EIF4ENIF1: variants seen among roughly 807,000 people sequenced by gnomAD.
EIF4ENIF1 encodes eukaryotic translation initiation factor 4E transporter.
In EIF4ENIF1, 23 loss-of-function variants were observed where a neutral mutation model predicts 110.5. That is an observed-to-expected ratio of 0.21 (90% CI 0.15 to 0.29). The LOEUF is 0.29. Among genes scored for constraint, EIF4ENIF1 ranks in the 10% least tolerant of loss-of-function variants. The pLI is 1.00. For synonymous variants in EIF4ENIF1, 440 were observed against 437.0 expected (o/e 1.01, Z -0.09); for missense variants, 1,031 against 1,221.1 (o/e 0.84, Z 2.32).
At chr22:31,462,892 T>G in intron 6 of EIF4ENIF1, 40 bp downstream of exon 6, 2 of 1,604,396 alleles carry the variant, frequency 1.2e-6, no homozygotes, top group Non-Finnish European at 1.7e-6. Context: ...CTACATCTCA[T>G]TTTAAAACAG....
intron 10 of EIF4ENIF1, among the ~76,000 whole-genome samples, chr22:31,452,864 G>A (rs2050715928): frequency 6.6e-6 from 1 of 152,214 alleles, no homozygotes; most frequent in Non-Finnish European, 1.5e-5. Flanking sequence ...CTCCTTTCAA[G>A]TGTAGGTCAG....
intron 10 of EIF4ENIF1, among the ~76,000 whole-genome samples, chr22:31,451,670 T>C (rs1011403041): frequency 3.3e-5 from 5 of 152,002 alleles, no homozygotes; most frequent in Non-Finnish European, 7.4e-5. Flanking sequence ...GTTACTTTTT[T>C]TTTTTTTTTT....
intron 3 of EIF4ENIF1, among the ~76,000 whole-genome samples, chr22:31,470,493 C>A (rs879322684): frequency 2.6e-4 from 39 of 151,974 alleles, no homozygotes; most frequent in Non-Finnish European, 5.1e-4. Context: ...GTTGGCCAGG[C>A]TGGTCTCAAA....
intron 12 of EIF4ENIF1, among the ~76,000 whole-genome samples, chr22:31,448,526 A>T (rs774943265): frequency 6.6e-6 from 1 of 152,216 alleles, no homozygotes; most frequent in South Asian, 2.1e-4. Context: ...GTTATCACTA[A>T]GCCAGCTGGT....
intron 11 of EIF4ENIF1, 54 bp from the exon 12 acceptor site, chr22:31,449,585 G>C (rs1044700824): frequency 2.9e-5 from 44 of 1,535,132 alleles, no homozygotes; most frequent in Non-Finnish European, 3.9e-5. Flanking sequence ...TCTACTCAGA[G>C]GCTGTGAATT....
chr22:31,464,177 G>A (rs2051094643), intron 4 of EIF4ENIF1: 1 of 536,250 alleles, frequency 1.9e-6, no homozygotes, highest in African/African-American at 1.9e-5. Context: ...AGCAATAGAA[G>A]TACGTCACGA....
At chr22:31,456,427 G>T (rs529125618) in intron 7 of EIF4ENIF1, among the ~76,000 whole-genome samples, 1 of 151,814 alleles carries the variant, frequency 6.6e-6, no homozygotes, top group Non-Finnish European at 1.5e-5. Flanking sequence ...GTTTTACCGT[G>T]TTAGCCAGGA....
intron 14 of EIF4ENIF1, chr22:31,446,839 C>T: frequency 7.0e-6 from 2 of 284,790 alleles, no homozygotes; most frequent in Non-Finnish European, 1.5e-5. Context: ...CCTTTTCTCC[C>T]TAACTTATGA....
rs695653 is a variant in EIF4ENIF1 at position 31,443,742 on chromosome 22, A to AT, written c.2074-649dup. On this transcript the variant is annotated intron_variant, in intron 15 of 18. Coordinates refer to ENST00000330125, the MANE Select transcript of EIF4ENIF1 (RefSeq NM_019843.4). Reference sequence around the variant, plus strand: ...GGGTTCTGAAGCACGCAGCAAAGTTATTTTTTTTTTTCCTTCTTCTCTATC... The same window carrying AT: ...GGGTTCTGAAGCACGCAGCAAAGTTATTTTTTTTTTTTCCTTCTTCTCTATC... Among the ~76,000 whole-genome samples, 47 of 128,582 alleles carry AT rather than the reference A, an allele frequency of 3.7e-4. 1 individual carries two copies. The highest frequency in any genetic ancestry group is 1.5e-3 in the South Asian group (6 of 4,086). 84.4% of individuals were successfully genotyped at this position (128,582 alleles called of 152,430 possible).
chr22:31,462,016 C>T (rs2051011317), intron 6 of EIF4ENIF1, among the ~76,000 whole-genome samples: 1 of 152,212 alleles, frequency 6.6e-6, no homozygotes, highest in Non-Finnish European at 1.5e-5. Context: ...GTGTTTAGGA[C>T]ATAATTGCTC....
At chr22:31,441,616 A>T (rs2050301791) in intron 17 of EIF4ENIF1, among the ~76,000 whole-genome samples, 158 bp downstream of exon 17, 1 of 150,242 alleles carries the variant, frequency 6.7e-6, no homozygotes, top group African/African-American at 2.5e-5. Flanking sequence ...GGACTAGGGG[A>T]TTGACTGGAT....
In EIF4ENIF1 at chr22:31,441,257, G is replaced by A. The variant is rs190279758; in HGVS notation, c.2552-389C>T. Among the ~76,000 whole-genome samples, 55 of 150,774 alleles carry A rather than the reference G, an allele frequency of 3.6e-4. 2 individuals carry two copies. Among genetic ancestry groups the A allele is most frequent in the African/African-American group, 1.2e-3 (49 of 41,004 alleles). Reference sequence around the variant, plus strand: ...GACAGAGCGAGACTCAAAAAAGAATGAAGAATTCTCTGGCTCACGCCTGTA... The same window carrying A: ...GACAGAGCGAGACTCAAAAAAGAATAAAGAATTCTCTGGCTCACGCCTGTA... On this transcript the variant is annotated intron_variant, in intron 17 of 18. Coordinates refer to ENST00000330125, the MANE Select transcript of EIF4ENIF1 (RefSeq NM_019843.4).
upstream of EIF4ENIF1, among the ~76,000 whole-genome samples, chr22:31,492,662 C>G (rs1332399489): frequency 6.6e-6 from 1 of 152,210 alleles, no homozygotes; most frequent in East Asian, 1.9e-4. Flanking sequence ...AAGCTAGATG[C>G]TTACAAATTG....
At chr22:31,454,112 A>G (rs1418462114) in intron 10 of EIF4ENIF1, 32 bp downstream of exon 10, 1 of 1,580,890 alleles carries the variant, frequency 6.3e-7, no homozygotes. Context: ...AAAAAAGGAG[A>G]AAAGGGTGGG....
At chr22:31,455,012 T>C in intron 9 of EIF4ENIF1, 124 bp downstream of exon 9, 1 of 789,792 alleles carries the variant, frequency 1.3e-6, no homozygotes. Context: ...AAAAAGAACA[T>C]TAAACAAAAA....
At chr22:31,462,621 C>CTG (rs1247579605) in intron 6 of EIF4ENIF1, among the ~76,000 whole-genome samples, 3 of 152,136 alleles carry the variant, frequency 2.0e-5, no homozygotes, top group Admixed American at 6.5e-5. Context: ...CAGTCTTGCT[C>CTG]TGTCACCCAG....
upstream of EIF4ENIF1, among the ~76,000 whole-genome samples, chr22:31,493,007 GGCAT>G (rs2146138052): frequency 6.6e-6 from 1 of 151,896 alleles, no homozygotes; most frequent in South Asian, 2.1e-4. Flanking sequence ...TGGGATTACA[GGCAT>G]GAGCTACCAC....
At chr22:31,450,844 T>TACACACAC (rs372740127) in intron 10 of EIF4ENIF1, 6,168 of 120,878 alleles carry the variant, frequency 0.051, 221 homozygotes, top group East Asian at 0.087. Context: ...ATATATATAC[T>TACACACAC]ACACACACAC....
At chr22:31,450,006 C>T (rs2050597232) in intron 11 of EIF4ENIF1, among the ~76,000 whole-genome samples, 1 of 152,204 alleles carries the variant, frequency 6.6e-6, no homozygotes, top group Non-Finnish European at 1.5e-5. Flanking sequence ...GCTGAGATTA[C>T]AGGTGTGAGC....
Sources: allele counts gnomAD v4.1 joint callset (sites outside exome capture counted in the v4.1 genomes callset), GRCh38; gene constraint gnomAD v4.1.1; transcripts MANE v1.5; gene names NCBI Gene and HGNC (gene_info 2026-07-23, HGNC 2026-07-21).